Variants in DNAH9 observed in about 807,000 individuals in gnomAD.
The protein encoded by DNAH9 is DNAH9 variant protein.
A neutral mutation model predicts 471.6 loss-of-function variants in DNAH9; 345 were observed. The observed-to-expected ratio is 0.73, with a 90% CI of 0.67 to 0.80. The LOEUF (loss-of-function observed/expected upper bound fraction) is 0.80, where lower values mean the gene tolerates loss of function less well. Ranked by LOEUF, DNAH9 falls within the 30% of genes least tolerant of loss-of-function variation. The probability of loss-of-function intolerance (pLI) is 0.00; values close to 1 mark genes in which losing one functional copy is unlikely to be tolerated. For synonymous variants in DNAH9, 2,093 were observed against 2,123.6 expected, an observed-to-expected ratio of 0.99 and a Z score of 0.40; for missense variants, 5,407 against 5,609.2, an observed-to-expected ratio of 0.96 and a Z score of 1.15.
chr17:11,832,810 T>TGAGAGGC (rs1237020515), intron 48 of DNAH9, among the ~76,000 whole-genome samples: 1 of 152,124 alleles, frequency 6.6e-6, no homozygotes, highest in African/African-American at 2.4e-5. Flanking sequence ...TGCAGAAAAA[T>TGAGAGGC]GAGAGGCAAG....
At chr17:11,704,860 C>T (rs1328282092) in intron 25 of DNAH9, among the ~76,000 whole-genome samples, 165 bp from the exon 26 acceptor site, 1 of 152,100 alleles carries the variant, frequency 6.6e-6, no homozygotes, top group African/African-American at 2.4e-5. Flanking sequence ...TGGGATAGAA[C>T]CCTGTAATCA....
chr17:11,711,175 C>T (rs2074821075), intron 26 of DNAH9, among the ~76,000 whole-genome samples: 1 of 152,004 alleles, frequency 6.6e-6, no homozygotes, highest in Non-Finnish European at 1.5e-5. Flanking sequence ...CTGAGCCAGT[C>T]GCTGCAGCCA....
At chr17:11,838,380 T>C (rs1381078467) in intron 49 of DNAH9, among the ~76,000 whole-genome samples, 2 of 152,154 alleles carry the variant, frequency 1.3e-5, no homozygotes, top group Non-Finnish European at 2.9e-5. Flanking sequence ...GTGCATGTGT[T>C]ACATTAGCAG....
At chr17:11,693,114 C>A (rs916719127) in intron 20 of DNAH9, among the ~76,000 whole-genome samples, 5 of 147,678 alleles carry the variant, frequency 3.4e-5, no homozygotes, top group Admixed American at 6.9e-5. Flanking sequence ...GGGGTTTCAC[C>A]ATGTTGGTCA....
chr17:11,856,319 C>T (rs955410259), intron 50 of DNAH9, among the ~76,000 whole-genome samples: 2 of 152,050 alleles, frequency 1.3e-5, no homozygotes, highest in Non-Finnish European at 1.5e-5. Context: ...CTGTATGCCA[C>T]GTGACATGGG....
At chr17:11,946,535 G>A (rs1419505253) in intron 67 of DNAH9, among the ~76,000 whole-genome samples, 1 of 151,470 alleles carries the variant, frequency 6.6e-6, no homozygotes, top group Non-Finnish European at 1.5e-5. Flanking sequence ...GTGGTGGCAG[G>A]CACCTGTAGT....
chr17:11,852,480 C>T (rs1201208431), intron 49 of DNAH9, among the ~76,000 whole-genome samples: 1 of 152,042 alleles, frequency 6.6e-6, no homozygotes, highest in Non-Finnish European at 1.5e-5. Flanking sequence ...CCTTGTGGCT[C>T]TTGTCCAATC....
At chr17:11,742,469 T>G (rs8082578) in intron 30 of DNAH9, among the ~76,000 whole-genome samples, 156 bp downstream of exon 30, 1 of 152,196 alleles carries the variant, frequency 6.6e-6, no homozygotes, top group Non-Finnish European at 1.5e-5. Flanking sequence ...CACTTCCATA[T>G]TAATGATTTA....
intron 38 of DNAH9, among the ~76,000 whole-genome samples, chr17:11,775,394 G>A (rs985732518): frequency 6.6e-6 from 1 of 151,824 alleles, no homozygotes; most frequent in Non-Finnish European, 1.5e-5. Context: ...AACAACAAAA[G>A]CAAACCTTTT....
intron 9 of DNAH9, among the ~76,000 whole-genome samples, chr17:11,637,125 T>C (rs993832015): frequency 6.6e-6 from 1 of 152,124 alleles, no homozygotes; most frequent in African/African-American, 2.4e-5. Context: ...CGAAAATAAA[T>C]GTTTACACGC....
chr17:11,667,673 C>G (rs1179333565), intron 15 of DNAH9, among the ~76,000 whole-genome samples: 1 of 152,210 alleles, frequency 6.6e-6, no homozygotes, highest in Non-Finnish European at 1.5e-5. Flanking sequence ...TATGGCTCCA[C>G]CATTCTTCAG....
At chr17:11,604,696 CT>C (rs971445260) in intron 1 of DNAH9, among the ~76,000 whole-genome samples, 10 of 151,486 alleles carry the variant, frequency 6.6e-5, no homozygotes, top group East Asian at 2.0e-4. Context: ...CATCCTGACC[CT>C]TTTTTTTTCT....
chr17:11,806,624 CACATA>C lies in DNAH9; in HGVS notation c.8421-1104_8421-1100del, dbSNP rs780067905. ...CAACATGAACTCAATTTTTAAAATA[CACATA>C]ACAGAAATATATTGACTTTTCAGGT... is the stretch of plus-strand genomic sequence containing the variant. On this transcript the variant is annotated intron_variant, in intron 43 of 68. Transcript: ENST00000262442. Among the ~76,000 whole-genome samples the C allele has an allele frequency of 2.6e-5, 4 of 151,294 alleles. 1 individual carries two copies. The highest frequency in any genetic ancestry group is 2.0e-4 in the Admixed American group (3 of 15,160).
rs562004930 is a variant in DNAH9 at position 11,946,813 on chromosome 17, AG to A, written c.12843+4331del. On this transcript the variant is annotated intron_variant, in intron 67 of 68. Coordinates refer to ENST00000262442, the MANE Select transcript of DNAH9 (RefSeq NM_001372.4). ...TCCAGGGCTGTTTCAGGTTGAGCAT[AG>A]GGAGACAGGTCTACCCATGTTAGCC... Among the ~76,000 whole-genome samples the A allele has an allele frequency of 5.3e-5, 8 of 152,236 alleles. No individual in the cohort carries two copies. The South Asian group carries it at 1.7e-3, about 31-fold the overall frequency.
intron 64 of DNAH9, among the ~76,000 whole-genome samples, chr17:11,933,292 G>T (rs1974580572): frequency 1.3e-5 from 2 of 152,102 alleles, no homozygotes; most frequent in Admixed American, 6.6e-5. Context: ...CAGTTAAAAA[G>T]CTTGAAAGAG....
intron 7 of DNAH9, among the ~76,000 whole-genome samples, chr17:11,629,878 A>G (rs1223130114): frequency 2.0e-5 from 3 of 152,196 alleles, no homozygotes; most frequent in South Asian, 2.1e-4. Context: ...ATGACATGAC[A>G]GTGGAGGCGG....
chr17:11,835,011 T>A, intron 49 of DNAH9, 113 bp downstream of exon 49: 2 of 1,373,036 alleles, frequency 1.5e-6, no homozygotes, highest in Non-Finnish European at 1.9e-6. Flanking sequence ...TAGGGTGGGC[T>A]CCAACTGTCA....
chr17:11,709,961 A>C (rs895033234), intron 26 of DNAH9, among the ~76,000 whole-genome samples: 1 of 152,190 alleles, frequency 6.6e-6, no homozygotes, highest in African/African-American at 2.4e-5. Context: ...CACAGCTAGC[A>C]AAAGTCGTAT....
At chr17:11,902,629 A>G in intron 59 of DNAH9, 90 bp from the exon 60 acceptor site, 1 of 1,177,400 alleles carries the variant, frequency 8.5e-7, no homozygotes, top group Non-Finnish European at 1.2e-6. Context: ...AATTGTGTAG[A>G]TAAGACCATC....
Sources: gnomAD v4.1 joint callset for allele counts (sites outside exome capture counted in the v4.1 genomes callset) on GRCh38, gnomAD v4.1.1 for gene constraint, MANE v1.5 for transcripts, NCBI Gene and HGNC (gene_info 2026-07-23, HGNC 2026-07-21) for gene names.